Variants in SMURF2 observed in about 807,000 individuals in gnomAD.
SMURF2 encodes the protein SMAD specific E3 ubiquitin protein ligase 2.
A neutral mutation model predicts 109.6 loss-of-function variants in SMURF2; 48 were observed. The observed-to-expected ratio is 0.44, with a 90% CI of 0.35 to 0.56. The LOEUF (loss-of-function observed/expected upper bound fraction) is 0.56, where lower values mean the gene tolerates loss of function less well. Among genes scored for constraint, SMURF2 ranks in the 20% least tolerant of loss-of-function variants. The probability of loss-of-function intolerance (pLI) is 0.01; values close to 1 mark genes in which losing one functional copy is unlikely to be tolerated. For synonymous variants in SMURF2, 288 were observed against 317.1 expected (o/e 0.91, Z 0.97); for missense variants, 575 against 909.0 (o/e 0.63, Z 4.72).
At position 64,624,503 on chromosome 17, in the gene SMURF2, C is replaced by CAA. The variant is rs539075649; in HGVS notation, c.53-17865_53-17864dup. Among the ~76,000 whole-genome samples the CAA allele has an allele frequency of 5.5e-4, 29 of 52,434 alleles. 1 individual carries two copies. Among genetic ancestry groups the CAA allele is most frequent in the African/African-American group, 1.2e-3 (19 of 15,584 alleles). The allele number at this position is 52,434 out of a possible 152,430, so 34.4% of individuals were successfully genotyped here. A position where few individuals can be genotyped will look rare whatever the true frequency, so the allele number is the denominator to read the frequency against. On this transcript the variant is annotated intron_variant, in intron 1 of 18. Transcript: ENST00000262435. ...CGCACGCCACCATGCCAGGCCTCTA[C>CAA]AAAAAAAAAAAAAAAAAATTAAAAA...
Position 64,557,842 on chromosome 17 carries a change from C to T in SMURF2, c.1317-120G>A, listed in dbSNP as rs374922159. On this transcript the variant is annotated intron_variant, in intron 12 of 18. Coordinates refer to ENST00000262435, the MANE Select transcript of SMURF2 (RefSeq NM_022739.4). The stretch of plus-strand genomic sequence containing the variant: ...TAAATTAATAAAAGGCAAAAAAGCA[C>T]TAACTACAGTTATATAAGATCACAT... 51 of 582,982 alleles carry T rather than the reference C, an allele frequency of 8.7e-5. No homozygotes were observed. The African/African-American group carries it at 9.3e-4, about 11-fold the overall frequency. The allele number at this position is 582,982 out of a possible 1,614,324, so 36.1% of individuals were successfully genotyped here. A position where few individuals can be genotyped will look rare whatever the true frequency, so the allele number is the denominator to read the frequency against.
chr17:64,618,582 A>G (rs1970156750), intron 1 of SMURF2, among the ~76,000 whole-genome samples: 2 of 152,092 alleles, frequency 1.3e-5, no homozygotes, highest in South Asian at 4.1e-4. Flanking sequence ...CTCAACCACC[A>G]CCTTCTCTAC....
chr17:64,573,252 G>A (rs1430353356), intron 9 of SMURF2, among the ~76,000 whole-genome samples: 1 of 22,232 alleles, frequency 4.5e-5, no homozygotes, highest in Non-Finnish European at 7.2e-5. Flanking sequence ...GGAGGAGGAG[G>A]GGAGGAGGAG....
chr17:64,648,596 A>G (rs1555693197), intron 1 of SMURF2, among the ~76,000 whole-genome samples: 1 of 152,014 alleles, frequency 6.6e-6, no homozygotes, highest in African/African-American at 2.4e-5. Context: ...ACATAATGAG[A>G]CTCCATTTCT....
rs181876901 is a variant in SMURF2, at chr17:64,544,525, C to T, written c.*1323G>A. ...ATTTCAGATTTTTTCAATCCCTCAC[C>T]CCAGAGTTTTCGTTGCTTCTGGATC... On this transcript the variant is annotated 3_prime_UTR_variant, in exon 19 of 19. Transcript: ENST00000262435. 3.2e-4 allele frequency: 48 copies of T among 152,164 alleles called. No homozygotes were observed. The highest frequency in any genetic ancestry group is 1.1e-3 in the African/African-American group (44 of 41,526). 9.4% of individuals were successfully genotyped at this position (152,164 alleles called of 1,614,324 possible). A position where few individuals can be genotyped will look rare whatever the true frequency, so the allele number is the denominator to read the frequency against.
At chr17:64,638,351 C>T (rs1362091932) in intron 1 of SMURF2, among the ~76,000 whole-genome samples, 1 of 152,156 alleles carries the variant, frequency 6.6e-6, no homozygotes, top group Non-Finnish European at 1.5e-5. Flanking sequence ...CAGGCATGAG[C>T]CACTGCGCCT....
At position 64,545,732 on chromosome 17, in the gene SMURF2, AAGGG is replaced by A. The variant is rs1316377762; in HGVS notation, c.*112_*115del. On this transcript the variant is annotated 3_prime_UTR_variant, in exon 19 of 19. Coordinates refer to ENST00000262435, the MANE Select transcript of SMURF2 (RefSeq NM_022739.4). ...CCTAAAATGTAAAAAAAAAAAAAAAAAGGGGGGGGGGGGGAGTGTTTTCCTGTAT... is the reference window on the plus strand; with the variant it reads ...CCTAAAATGTAAAAAAAAAAAAAAAAGGGGGGGGGGAGTGTTTTCCTGTAT... The A allele has an allele frequency of 2.7e-3, 369 of 135,536 alleles. No individual in the cohort carries two copies. The highest frequency in any genetic ancestry group is 0.013 in the African/African-American group (264 of 20,886). 8.4% of individuals were successfully genotyped at this position (135,536 alleles called of 1,614,324 possible).
intron 1 of SMURF2, among the ~76,000 whole-genome samples, chr17:64,647,936 GT>G (rs1434219310): frequency 6.6e-6 from 1 of 151,030 alleles, no homozygotes; most frequent in African/African-American, 2.4e-5. Flanking sequence ...AGCAACTATT[GT>G]CCTAGCTACT....
intron 1 of SMURF2, among the ~76,000 whole-genome samples, chr17:64,613,215 C>A (rs1970069833): frequency 6.6e-6 from 1 of 152,128 alleles, no homozygotes; most frequent in South Asian, 2.1e-4. Flanking sequence ...ATTCTCTGTT[C>A]TAATCACAGA....
At chr17:64,564,655 G>C (rs534424564) in intron 10 of SMURF2, among the ~76,000 whole-genome samples, 1 of 152,296 alleles carries the variant, frequency 6.6e-6, no homozygotes, top group Admixed American at 6.5e-5. Context: ...AGAAGACAAA[G>C]ACTGGAGCAA....
intron 1 of SMURF2, among the ~76,000 whole-genome samples, chr17:64,644,032 C>T (rs1490657508): frequency 1.3e-5 from 2 of 151,800 alleles, no homozygotes; most frequent in Admixed American, 1.3e-4. Context: ...CACCATATCG[C>T]CCAGGCTGGT....
intron 1 of SMURF2, among the ~76,000 whole-genome samples, chr17:64,621,321 T>C (rs782327048): frequency 6.6e-5 from 10 of 152,242 alleles, no homozygotes; most frequent in Admixed American, 2.6e-4. Flanking sequence ...GGCTCACGCC[T>C]GTAATCCCAG....
intron 1 of SMURF2, among the ~76,000 whole-genome samples, chr17:64,623,620 C>T (rs1970232039): frequency 6.6e-6 from 1 of 152,232 alleles, no homozygotes; most frequent in Non-Finnish European, 1.5e-5. Flanking sequence ...AAGGAATATA[C>T]ATCACATTTC....
At chr17:64,642,456 G>A (rs1555692652) in intron 1 of SMURF2, among the ~76,000 whole-genome samples, 1 of 152,172 alleles carries the variant, frequency 6.6e-6, no homozygotes, top group Non-Finnish European at 1.5e-5. Context: ...AAATGTAGTA[G>A]TTATTTATTA....
At chr17:64,661,174 C>A (rs1407440975) in intron 1 of SMURF2, among the ~76,000 whole-genome samples, 1 of 152,138 alleles carries the variant, frequency 6.6e-6, no homozygotes, top group Non-Finnish European at 1.5e-5. Flanking sequence ...TGCCACCCTA[C>A]AATCAGACAC....
rs144932577 is a variant in SMURF2 at position 64,547,171 on chromosome 17, C to T, written c.2071+429G>A. Among the ~76,000 whole-genome samples, 241 of 152,228 alleles carry T rather than the reference C, an allele frequency of 1.6e-3. 2 individuals are homozygous for T. The highest frequency in any genetic ancestry group is 4.8e-3 in the South Asian group (23 of 4,826). ...CATGCAGTAATTAAAATGCTCTGAC[C>T]GAACAGATGGTTTCCATGACCCATG... On this transcript the variant is annotated intron_variant, in intron 17 of 18. Transcript: ENST00000262435. The surrounding 1 kb of genome is among the most constrained non-coding windows in gnomAD (Gnocchi z 4.2).
intron 16 of SMURF2, 117 bp downstream of exon 16, chr17:64,551,467 A>T: frequency 8.6e-7 from 1 of 1,163,164 alleles, no homozygotes; most frequent in Non-Finnish European, 1.2e-6. Context: ...ATTCTCAAGC[A>T]TAGAACCATG....
Position 64,543,100 on chromosome 17 carries a change from A to G in SMURF2, c.*2748T>C, listed in dbSNP as rs1180155924. On this transcript the variant is annotated 3_prime_UTR_variant, in exon 19 of 19. Transcript: ENST00000262435. The stretch of plus-strand genomic sequence containing the variant: ...AAAACCAGTTAAGAGGGACATGGAA[A>G]TAAATATTCACATTAAACATGAGGT... 1 of 152,188 alleles carries G rather than the reference A, an allele frequency of 6.6e-6. No individual in the cohort carries two copies. The highest frequency in any genetic ancestry group is 6.5e-5 in the Admixed American group (1 of 15,282). The allele number at this position is 152,188 out of a possible 1,614,324, so 9.4% of individuals were successfully genotyped here.
At chr17:64,574,554 A>C (rs1555685875) in intron 9 of SMURF2, among the ~76,000 whole-genome samples, 1 of 152,250 alleles carries the variant, frequency 6.6e-6, no homozygotes, top group African/African-American at 2.4e-5. Flanking sequence ...ATTGTAATAG[A>C]AACTAAATAT....
Sources: gnomAD v4.1 joint callset for allele counts (sites outside exome capture counted in the v4.1 genomes callset) on GRCh38, gnomAD v4.1.1 for gene constraint, Gnocchi (gnomAD v3.1) non-coding constraint, MANE v1.5 for transcripts, NCBI Gene and HGNC (gene_info 2026-07-23, HGNC 2026-07-21) for gene names.